Variants in UBE2E2 observed in about 807,000 individuals in gnomAD.
UBE2E2 encodes the protein ubiquitin conjugating enzyme E2 E2.
In UBE2E2, 6 loss-of-function variants were observed where a neutral mutation model predicts 24.7. The ratio of observed to expected loss-of-function variants is 0.24; its 90% CI spans 0.13 to 0.48. The LOEUF (loss-of-function observed/expected upper bound fraction) is 0.48. UBE2E2 is among the 20% of genes least tolerant of loss of function. The pLI is 0.99. For synonymous variants in UBE2E2, 104 were observed against 83.6 expected, an observed-to-expected ratio of 1.24 and a Z score of -1.33; for missense variants, 169 against 245.0, an observed-to-expected ratio of 0.69 and a Z score of 2.07.
At chr3:23,454,220 T>G (rs1023930574) in intron 3 of UBE2E2, among the ~76,000 whole-genome samples, 1 of 152,216 alleles carries the variant, frequency 6.6e-6, no homozygotes, top group Non-Finnish European at 1.5e-5. Context: ...ACTGATTTTT[T>G]AAATTTTAAC....
chr3:23,363,158 T>C (rs905697660), intron 3 of UBE2E2, among the ~76,000 whole-genome samples: 1 of 152,186 alleles, frequency 6.6e-6, no homozygotes, highest in Non-Finnish European at 1.5e-5. Flanking sequence ...GTGCTAGATA[T>C]AGAAAGGAAA....
At chr3:23,335,438 CTA>C (rs1388524666) in intron 3 of UBE2E2, among the ~76,000 whole-genome samples, 1 of 152,070 alleles carries the variant, frequency 6.6e-6, no homozygotes, top group Non-Finnish European at 1.5e-5. Context: ...GTAAAATAAA[CTA>C]TAGTATTTCT....
intron 3 of UBE2E2, among the ~76,000 whole-genome samples, chr3:23,290,484 T>C (rs1056751523): frequency 6.6e-6 from 1 of 152,154 alleles, no homozygotes; most frequent in Admixed American, 6.5e-5. Flanking sequence ...CTCTCTTTTT[T>C]TTAATTTTTA....
At chr3:23,428,477 C>T (rs1286346174) in intron 3 of UBE2E2, among the ~76,000 whole-genome samples, 4 of 152,010 alleles carry the variant, frequency 2.6e-5, no homozygotes, top group African/African-American at 9.7e-5. Context: ...AAGCTTCTAC[C>T]TTAGAAAAGA....
Position 23,514,179 on chromosome 3 carries a change from A to G in UBE2E2, c.360+14439A>G, listed in dbSNP as rs533386054. Among the ~76,000 whole-genome samples the G allele has an allele frequency of 2.2e-4, 33 of 152,314 alleles. No homozygotes were observed. In the East Asian group the frequency reaches 4.8e-3, roughly 22 times the overall value. On this transcript the variant is annotated intron_variant, in intron 4 of 5. Coordinates refer to ENST00000396703, the MANE Select transcript of UBE2E2 (RefSeq NM_152653.4). ...TTTGATCCAGTTCTTCATGTGGTCA[A>G]TACCTTCTCATTGTTCAGGACTGTT...
intron 3 of UBE2E2, among the ~76,000 whole-genome samples, chr3:23,480,890 A>G (rs1016540456): frequency 6.6e-6 from 1 of 152,212 alleles, no homozygotes; most frequent in Non-Finnish European, 1.5e-5. Flanking sequence ...CAAATACTTG[A>G]AAGTCAGTAA....
chr3:23,266,351 A>G (rs534833096), intron 3 of UBE2E2, among the ~76,000 whole-genome samples: 69 of 152,282 alleles, frequency 4.5e-4, no homozygotes, highest in Non-Finnish European at 7.8e-4. Context: ...GGTGGTGACA[A>G]AATCTCTCAG....
chr3:23,459,825 C>G (rs1051696889), intron 3 of UBE2E2, among the ~76,000 whole-genome samples: 1 of 152,144 alleles, frequency 6.6e-6, no homozygotes, highest in African/African-American at 2.4e-5. Context: ...ATGAAGCCCC[C>G]TTTTCTTAGC....
At chr3:23,228,553 T>C (rs1334470044) in intron 3 of UBE2E2, among the ~76,000 whole-genome samples, 2 of 152,228 alleles carry the variant, frequency 1.3e-5, no homozygotes, top group Non-Finnish European at 2.9e-5. Flanking sequence ...GCTCGTTGAT[T>C]TACAATTAAT....
intron 3 of UBE2E2, among the ~76,000 whole-genome samples, chr3:23,352,818 G>C (rs1695798280): frequency 6.6e-6 from 1 of 152,258 alleles, no homozygotes; most frequent in South Asian, 2.1e-4. Context: ...AGGAGGAACT[G>C]GTACGATTCT....
At chr3:23,532,148 T>C (rs1695137968) in intron 4 of UBE2E2, among the ~76,000 whole-genome samples, 1 of 152,166 alleles carries the variant, frequency 6.6e-6, no homozygotes, top group South Asian at 2.1e-4. Context: ...GGTGTTTGAA[T>C]ATTATAAATG....
chr3:23,237,541 A>G (rs1697145188), intron 3 of UBE2E2, among the ~76,000 whole-genome samples: 2 of 152,168 alleles, frequency 1.3e-5, no homozygotes, highest in African/African-American at 4.8e-5. Flanking sequence ...TGACTAGAAA[A>G]TTCACTTGGA....
intron 5 of UBE2E2, chr3:23,534,128 C>CTTTTTT (rs1158079342): frequency 4.3e-5 from 19 of 439,236 alleles, no homozygotes; most frequent in Admixed American, 2.3e-4. Context: ...TGCAAGAAGG[C>CTTTTTT]TTTTTTTTTT....
At chr3:23,558,109 G>A (rs1037344298) in intron 5 of UBE2E2, among the ~76,000 whole-genome samples, 4 of 152,164 alleles carry the variant, frequency 2.6e-5, no homozygotes, top group Non-Finnish European at 5.9e-5. Flanking sequence ...GGCAATGGTT[G>A]GTTTCACCTA....
chr3:23,206,645 C>T (rs1237023870), intron 1 of UBE2E2, among the ~76,000 whole-genome samples: 1 of 152,076 alleles, frequency 6.6e-6, no homozygotes, highest in Non-Finnish European at 1.5e-5. Flanking sequence ...TCTGTTGACT[C>T]TTTGTGGCTC....
At chr3:23,283,594 G>A (rs1016763129) in intron 3 of UBE2E2, among the ~76,000 whole-genome samples, 1 of 152,014 alleles carries the variant, frequency 6.6e-6, no homozygotes, top group Non-Finnish European at 1.5e-5. Context: ...GGGCATGGTG[G>A]CACACACTTA....
chr3:23,221,321 T>C (rs1488607018), intron 3 of UBE2E2, among the ~76,000 whole-genome samples: 1 of 152,212 alleles, frequency 6.6e-6, no homozygotes, highest in Non-Finnish European at 1.5e-5. Context: ...AGATATAAAG[T>C]GTAAAATTCA....
chr3:23,502,730 A>G lies in UBE2E2; in HGVS notation c.360+2990A>G, dbSNP rs112979937. 2.0e-5 allele frequency among the ~76,000 whole-genome samples: 3 copies of G among 152,342 alleles called. 1 individual carries two copies. The highest frequency in any genetic ancestry group is 7.2e-5 in the African/African-American group (3 of 41,580). On this transcript the variant is annotated intron_variant, in intron 4 of 5. Transcript: ENST00000396703. ...GTACATAATGTTAATTAAACTTAGT[A>G]TTCTAGTTTTAAATAGGTTGAGTAT... is the stretch of plus-strand genomic sequence containing the variant.
intron 3 of UBE2E2, among the ~76,000 whole-genome samples, chr3:23,399,176 C>T (rs946739818): frequency 1.3e-5 from 2 of 152,156 alleles, no homozygotes; most frequent in Non-Finnish European, 1.5e-5. Context: ...GTAACCTCAG[C>T]GTAGGATTTT....
Sources: gnomAD v4.1 joint callset for allele counts (sites outside exome capture counted in the v4.1 genomes callset) on GRCh38, gnomAD v4.1.1 for gene constraint, MANE v1.5 for transcripts, NCBI Gene and HGNC (gene_info 2026-07-23, HGNC 2026-07-21) for gene names.